The following CYREN variants were observed in gnomAD, a reference collection of about 807,000 sequenced individuals.
CYREN encodes the protein cell cycle regulator of non-homologous end joining.
CYREN carries 7 observed loss-of-function variants against 9.7 expected under a neutral mutation model. That is an observed-to-expected ratio of 0.72 (90% CI 0.41 to 1.36). CYREN has a LOEUF of 1.36. CYREN is among the 40% of genes most tolerant of loss of function. CYREN has a pLI of 0.01. For synonymous variants in CYREN, 76 were observed against 77.9 expected (o/e 0.98, Z 0.13); for missense variants, 215 against 198.1 (o/e 1.09, Z -0.51).
At chr7:135,148,140 A>G (rs1366722987) in intron 2 of CYREN, 1 of 452,790 alleles carries the variant, frequency 2.2e-6, no homozygotes, top group Admixed American at 2.5e-5. Flanking sequence ...TCTGCCTGCC[A>G]TTTCCCTTCC....
At chr7:135,165,236 C>T (rs1341101517), downstream of CYREN, 3 of 485,420 alleles carry the variant, frequency 6.2e-6, no homozygotes, top group African/African-American at 1.9e-5. Context: ...CAAAGACTCC[C>T]TAAACCATGC....
chr7:135,118,560 G>A (rs1299430837), intron 2 of CYREN, among the ~76,000 whole-genome samples: 1 of 152,102 alleles, frequency 6.6e-6, no homozygotes, highest in Non-Finnish European at 1.5e-5. Flanking sequence ...CCAAAACAGA[G>A]GGTTTACATA....
chr7:135,160,850 C>CCA (rs1432668449), downstream of CYREN, among the ~76,000 whole-genome samples: 2 of 152,174 alleles, frequency 1.3e-5, no homozygotes, highest in African/African-American at 4.8e-5. Context: ...TATAGCTAAA[C>CCA]CAGAGTGTGG....
intron 2 of CYREN, among the ~76,000 whole-genome samples, chr7:135,136,799 TG>T (rs1361803765): frequency 6.6e-6 from 1 of 152,080 alleles, no homozygotes; most frequent in African/African-American, 2.4e-5. Flanking sequence ...ATTGTCTTTG[TG>T]GATGACCAAA....
At chr7:135,162,870 G>A (rs951075864), downstream of CYREN, among the ~76,000 whole-genome samples, 5 of 152,204 alleles carry the variant, frequency 3.3e-5, no homozygotes, top group African/African-American at 7.2e-5. Flanking sequence ...GATTTAAAAC[G>A]GAGTGAAAAG....
At chr7:135,094,352 A>AG (rs1260438973) in exon 3 of CYREN, 1 of 456,490 alleles carries the variant, frequency 2.2e-6, no homozygotes, top group East Asian at 6.9e-5. Flanking sequence ...AGACGAATCC[A>AG]GGGAGTCACT....
Position 135,128,838 on chromosome 7 carries a change from G to A in CYREN, n.357-34256C>T, listed in dbSNP as rs1471772883. The A allele has an allele frequency of 2.5e-6, 3 of 1,180,580 alleles. No homozygotes were observed. The Admixed American group carries it at 5.1e-5, about 20-fold the overall frequency. The allele number at this position is 1,180,580 out of a possible 1,614,324, so 73.1% of individuals were successfully genotyped here. ...TGGATGAGACAGCTGTGTGCAGGAT[G>A]TGGAATCATTGTTAAATATGATCCA... On this transcript the variant is annotated intron_variant and non_coding_transcript_variant, in intron 2 of 2. Coordinates refer to the CYREN transcript ENST00000459937.
intron 2 of CYREN, among the ~76,000 whole-genome samples, chr7:135,118,829 G>T (rs1327817850): frequency 6.6e-6 from 1 of 151,966 alleles, no homozygotes; most frequent in Non-Finnish European, 1.5e-5. Flanking sequence ...AAAATATTAA[G>T]AACCAAATAG....
chr7:135,150,605 C>G (rs1429615430), intron 2 of CYREN, among the ~76,000 whole-genome samples: 1 of 152,190 alleles, frequency 6.6e-6, no homozygotes, highest in East Asian at 1.9e-4. Context: ...TGCGGGAAAA[C>G]TAACCATTGA....
chr7:135,100,913 C>T (rs899921469), intron 2 of CYREN, among the ~76,000 whole-genome samples: 1 of 152,160 alleles, frequency 6.6e-6, no homozygotes, highest in African/African-American at 2.4e-5. Context: ...ATAACATTGG[C>T]CATCCTGCCT....
rs1397255391 is a variant in CYREN at position 135,151,561 on chromosome 7, T to C, written n.356+17188A>G. 1.3e-5 allele frequency among the ~76,000 whole-genome samples: 2 copies of C among 152,184 alleles called. No homozygotes were observed. Among genetic ancestry groups the C allele is most frequent in the Non-Finnish European group, 2.9e-5 (2 of 68,026 alleles). On this transcript the variant is annotated intron_variant and non_coding_transcript_variant, in intron 2 of 2. Coordinates refer to the CYREN transcript ENST00000459937. This position sits in a 1 kb window ranked among gnomAD's most constrained non-coding sequence, Gnocchi z 4.3. ...TCCATTCAGGCGACACACCCAACCA[T>C]GTCTACCTGACTCTCCGTCAATTCC...
chr7:135,136,789 A>G (rs370714260), intron 2 of CYREN, among the ~76,000 whole-genome samples: 2 of 152,048 alleles, frequency 1.3e-5, no homozygotes, highest in Admixed American at 6.6e-5. Flanking sequence ...TCTGGAATGT[A>G]TTGTCTTTGT....
chr7:135,119,287 T>G (rs1257849553), intron 2 of CYREN, among the ~76,000 whole-genome samples: 2 of 151,894 alleles, frequency 1.3e-5, no homozygotes, highest in Non-Finnish European at 2.9e-5. Context: ...TGGAGTCCAG[T>G]GGAACAATCT....
At chr7:135,134,122 C>A (rs1181271014) in intron 2 of CYREN, among the ~76,000 whole-genome samples, 1 of 151,948 alleles carries the variant, frequency 6.6e-6, no homozygotes, top group Non-Finnish European at 1.5e-5. Context: ...AACATGGGGG[C>A]AGTGTTCTCT....
chr7:135,131,121 T>C (rs541153480), intron 2 of CYREN, among the ~76,000 whole-genome samples: 39 of 152,222 alleles, frequency 2.6e-4, no homozygotes, highest in African/African-American at 9.2e-4. Flanking sequence ...AAAAATCATC[T>C]TGTAATTAGA....
At chr7:135,096,051 CTG>C (rs1035903024) in intron 2 of CYREN, among the ~76,000 whole-genome samples, 5 of 152,100 alleles carry the variant, frequency 3.3e-5, no homozygotes, top group Non-Finnish European at 7.4e-5. Context: ...ACTTGGGAAA[CTG>C]AGGCAGGAGA....
chr7:135,161,732 T>C (rs1829944287), downstream of CYREN, among the ~76,000 whole-genome samples: 1 of 152,212 alleles, frequency 6.6e-6, no homozygotes, highest in African/African-American at 2.4e-5. The surrounding 1 kb of genome is among the most constrained non-coding windows in gnomAD (Gnocchi z 4.1). Flanking sequence ...CTCAACTACA[T>C]TCAAACCCGA....
intron 2 of CYREN, among the ~76,000 whole-genome samples, chr7:135,144,741 C>T (rs556107467): frequency 2.7e-5 from 4 of 147,988 alleles, no homozygotes; most frequent in African/African-American, 9.9e-5. Context: ...CATGGCAAAA[C>T]CCTATCTGTA....
intron 2 of CYREN, among the ~76,000 whole-genome samples, chr7:135,135,979 A>C (rs1482730573): frequency 6.6e-6 from 1 of 152,146 alleles, no homozygotes; most frequent in Admixed American, 6.6e-5. Flanking sequence ...TTACATCTCC[A>C]GCCATTTATT....
Sources: gnomAD v4.1 joint callset for allele counts (sites outside exome capture counted in the v4.1 genomes callset) on GRCh38, gnomAD v4.1.1 for gene constraint, Gnocchi (gnomAD v3.1) non-coding constraint, MANE v1.5 for transcripts, NCBI Gene and HGNC (gene_info 2026-07-23, HGNC 2026-07-21) for gene names.